The following PALM2AKAP2 variants were observed in gnomAD, a reference collection of about 807,000 sequenced individuals.
The protein encoded by PALM2AKAP2 is PALM2-AKAP2 fusion protein.
In PALM2AKAP2, 37 loss-of-function variants were observed where a neutral mutation model predicts 71.5. The observed-to-expected ratio is 0.52, with a 90% CI of 0.40 to 0.68. The LOEUF is 0.68. Ranked by LOEUF, PALM2AKAP2 falls within the 30% of genes least tolerant of loss-of-function variation. The pLI, the probability that PALM2AKAP2 is intolerant of heterozygous loss-of-function variation, is 0.00. For missense variants in PALM2AKAP2, 1,224 were observed against 1,191.8 expected, an observed-to-expected ratio of 1.03 and a Z score of -0.40; for synonymous variants, 468 against 478.8, an observed-to-expected ratio of 0.98 and a Z score of 0.29.
rs544623241 is a variant in PALM2AKAP2, at chr9:109,761,184, C to A, written c.6-19304C>A. Reference sequence around the variant, plus strand: ...TTTTAAAATGAAAAGAAAATCTAATCTTATGGCATTTTAAGATGCTGACAA... The same window carrying A: ...TTTTAAAATGAAAAGAAAATCTAATATTATGGCATTTTAAGATGCTGACAA... On this transcript the variant is annotated intron_variant, in intron 1 of 6. Coordinates refer to the PALM2AKAP2 transcript ENST00000374531. Among the ~76,000 whole-genome samples the A allele has an allele frequency of 1.2e-4, 19 of 152,264 alleles. No individual in the cohort carries two copies. The East Asian group carries it at 3.5e-3, about 28-fold the overall frequency.
rs549985029 is a variant in PALM2AKAP2 at position 109,706,202 on chromosome 9, A to G, written c.5+65336A>G. Among the ~76,000 whole-genome samples the G allele has an allele frequency of 9.8e-5, 15 of 152,352 alleles. No individual in the cohort carries two copies. The South Asian group carries it at 2.5e-3, about 25-fold the overall frequency. ...TTATGAACTAAAAAGGCTGTATTGCAGTTTTTTAGAAAAATAAAAATGATT... is the reference window on the plus strand; with the variant it reads ...TTATGAACTAAAAAGGCTGTATTGCGGTTTTTTAGAAAAATAAAAATGATT... On this transcript the variant is annotated intron_variant, in intron 1 of 6. Transcript: ENST00000374531.
chr9:109,892,791 A>T lies in PALM2AKAP2; in HGVS notation c.257+12110A>T, dbSNP rs114504165. On this transcript the variant is annotated intron_variant, in intron 3 of 9. Transcript: ENST00000302798. ...TTCTTCTTCTATAAAAAGAAATAAT[A>T]ATAATAATAAAGATCAACTTTATTG... Among the ~76,000 whole-genome samples, 799 of 152,206 alleles carry T rather than the reference A, an allele frequency of 5.2e-3. 8 individuals are homozygous for T. The highest frequency in any genetic ancestry group is 0.029 in the East Asian group (150 of 5,180).
At chr9:110,104,749 G>T (rs181235421) in intron 1 of PALM2AKAP2, among the ~76,000 whole-genome samples, 1 of 152,294 alleles carries the variant, frequency 6.6e-6, no homozygotes, top group East Asian at 1.9e-4. Flanking sequence ...TTTGCACCTG[G>T]TAAGAATGTT....
At position 110,068,087 on chromosome 9, in the gene PALM2AKAP2, C is replaced by CTTTTTTTTT. The variant is rs5899875; in HGVS notation, c.156+19241_156+19249dup. Reference sequence around the variant, plus strand: ...GTTGTATTTGCTTATGTTCCAAACTCTTTTTTTTTTTTTTTTTGGTAAGAT... The same window carrying CTTTTTTTTT: ...GTTGTATTTGCTTATGTTCCAAACTCTTTTTTTTTTTTTTTTTTTTTTTTTTGGTAAGAT... On this transcript the variant is annotated intron_variant, in intron 1 of 3. Coordinates refer to ENST00000374525, the Ensembl canonical transcript of PALM2AKAP2. 9.1e-4 allele frequency among the ~76,000 whole-genome samples: 112 copies of CTTTTTTTTT among 122,910 alleles called. 2 individuals carry two copies. The highest frequency in any genetic ancestry group is 3.7e-3 in the African/African-American group (107 of 29,190). 80.6% of individuals were successfully genotyped at this position (122,910 alleles called of 152,430 possible). A position where few individuals can be genotyped will look rare whatever the true frequency, so the allele number is the denominator to read the frequency against.
intron 7 of PALM2AKAP2, among the ~76,000 whole-genome samples, chr9:110,039,139 C>T (rs776508001): frequency 6.6e-6 from 1 of 151,678 alleles, no homozygotes; most frequent in South Asian, 2.1e-4. Context: ...GACCCAGCTA[C>T]GCAGGAGGCT....
At chr9:110,003,027 A>C (rs964137741) in intron 6 of PALM2AKAP2, among the ~76,000 whole-genome samples, 1 of 151,966 alleles carries the variant, frequency 6.6e-6, no homozygotes, top group African/African-American at 2.4e-5. Flanking sequence ...GTGTCTCTAT[A>C]TCCTTCAGTT....
chr9:110,009,187 A>C (rs115505528), intron 6 of PALM2AKAP2, among the ~76,000 whole-genome samples: 1,559 of 152,252 alleles, frequency 0.01, 26 homozygotes, highest in African/African-American at 0.036. Context: ...CCTGGTGATT[A>C]CAGGGAGTGT....
intron 7 of PALM2AKAP2, among the ~76,000 whole-genome samples, chr9:110,043,090 T>C (rs1833536108): frequency 6.6e-6 from 1 of 152,160 alleles, no homozygotes; most frequent in Admixed American, 6.5e-5. Flanking sequence ...CCTTCTACCC[T>C]CTATCTTCGT....
At chr9:109,792,543 G>A (rs1212594580) in intron 1 of PALM2AKAP2, among the ~76,000 whole-genome samples, 4 of 152,164 alleles carry the variant, frequency 2.6e-5, no homozygotes, top group Admixed American at 6.5e-5. Context: ...AGTCTCCCAG[G>A]AAGGCTGATT....
intron 6 of PALM2AKAP2, among the ~76,000 whole-genome samples, chr9:109,988,561 G>T (rs1401792212): frequency 6.9e-6 from 1 of 145,624 alleles, no homozygotes; most frequent in Non-Finnish European, 1.5e-5. Context: ...GGGAGGGAGG[G>T]AGGAAGGAGG....
intron 1 of PALM2AKAP2, among the ~76,000 whole-genome samples, chr9:109,797,624 C>A (rs1339706571): frequency 6.6e-6 from 1 of 152,248 alleles, no homozygotes; most frequent in Admixed American, 6.5e-5. Context: ...TCTGCAGAAG[C>A]CGTCCGTCAC....
At chr9:109,657,940 G>GTGTGTGTGTT (rs1827331379) in intron 1 of PALM2AKAP2, among the ~76,000 whole-genome samples, 1 of 85,314 alleles carries the variant, frequency 1.2e-5, no homozygotes, top group African/African-American at 5.0e-5. Flanking sequence ...GTGTGTGTTT[G>GTGTGTGTGTT]TGTGTGTGTG....
chr9:109,728,773 T>C (rs1000490498), intron 1 of PALM2AKAP2, among the ~76,000 whole-genome samples: 10 of 152,132 alleles, frequency 6.6e-5, no homozygotes, highest in African/African-American at 1.2e-4. Flanking sequence ...ACCACCCCCA[T>C]TGTGGCTCCC....
At chr9:109,729,073 A>G (rs1002080778) in intron 1 of PALM2AKAP2, among the ~76,000 whole-genome samples, 4 of 152,294 alleles carry the variant, frequency 2.6e-5, no homozygotes, top group African/African-American at 9.6e-5. Context: ...TGGAATTTTT[A>G]GTTTCTATGA....
chr9:109,974,796 A>G (rs1373299077), intron 6 of PALM2AKAP2, among the ~76,000 whole-genome samples: 1 of 152,186 alleles, frequency 6.6e-6, no homozygotes, highest in Admixed American at 6.5e-5. Flanking sequence ...CAGAGATGGC[A>G]TGTGTGCTGG....
At chr9:109,957,392 G>A (rs1831767476) in intron 6 of PALM2AKAP2, among the ~76,000 whole-genome samples, 1 of 152,214 alleles carries the variant, frequency 6.6e-6, no homozygotes, top group Non-Finnish European at 1.5e-5. Flanking sequence ...CTGGGCGTTA[G>A]CAAGCTGACT....
intron 1 of PALM2AKAP2, among the ~76,000 whole-genome samples, chr9:109,810,511 G>A (rs1590718): frequency 0.16 from 24,713 of 152,160 alleles, 2,643 homozygotes; most frequent in East Asian, 0.35. Context: ...TAGTAGCAAG[G>A]AGGTTACTGG....
At chr9:110,034,747 G>T (rs1216672649) in intron 7 of PALM2AKAP2, among the ~76,000 whole-genome samples, 8 of 151,422 alleles carry the variant, frequency 5.3e-5, no homozygotes, top group Non-Finnish European at 8.8e-5. Context: ...TGGGATTACA[G>T]GTGCCCACCA....
At chr9:109,670,475 T>A (rs1827557229) in intron 1 of PALM2AKAP2, among the ~76,000 whole-genome samples, 1 of 152,230 alleles carries the variant, frequency 6.6e-6, no homozygotes, top group African/African-American at 2.4e-5. Context: ...CTACATAATA[T>A]CCCATGGTGT....
Sources: gnomAD v4.1 joint callset for allele counts (sites outside exome capture counted in the v4.1 genomes callset) on GRCh38, gnomAD v4.1.1 for gene constraint, MANE v1.5 for transcripts, NCBI Gene and HGNC (gene_info 2026-07-23, HGNC 2026-07-21) for gene names.